MAPKBP1: variants seen among roughly 807,000 people sequenced by gnomAD.
MAPKBP1 encodes the protein mitogen-activated protein kinase binding protein 1.
Under a neutral mutation model 170.5 loss-of-function variants are expected in MAPKBP1, and 71 were observed. The observed-to-expected ratio is 0.42, with a 90% CI of 0.34 to 0.51. The LOEUF (loss-of-function observed/expected upper bound fraction) is 0.51, where lower values mean the gene tolerates loss of function less well. Ranked by LOEUF, MAPKBP1 falls within the 20% of genes least tolerant of loss-of-function variation. The pLI, the probability that MAPKBP1 is intolerant of heterozygous loss-of-function variation, is 0.06. For missense variants in MAPKBP1, 1,598 were observed against 1,933.0 expected, an observed-to-expected ratio of 0.83 and a Z score of 3.25; for synonymous variants, 719 against 757.9, an observed-to-expected ratio of 0.95 and a Z score of 0.84.
intron 2 of MAPKBP1, among the ~76,000 whole-genome samples, chr15:41,797,197 A>T (rs527580873): frequency 6.6e-6 from 1 of 152,354 alleles, no homozygotes; most frequent in Non-Finnish European, 1.5e-5. Flanking sequence ...GTTAGAAAGA[A>T]GATCAGCTGA....
chr15:41,775,602 A>G (rs1046987605), intron 2 of MAPKBP1, among the ~76,000 whole-genome samples: 13 of 152,258 alleles, frequency 8.5e-5, no homozygotes, highest in Non-Finnish European at 1.3e-4. Context: ...AGAAAAGGTG[A>G]ATAGTAGGAA....
intron 2 of MAPKBP1, among the ~76,000 whole-genome samples, chr15:41,793,440 T>C (rs2064431105): frequency 6.6e-5 from 10 of 152,160 alleles, no homozygotes; most frequent in Admixed American, 6.5e-4. Flanking sequence ...GCCACTGCAC[T>C]CCAGTCTGGG....
In MAPKBP1 at chr15:41,799,853, G is replaced by C; in HGVS notation, c.145G>C (p.Val49Leu). The change falls in exon 3 of 31, where the codon GTG becomes CTG. Residue 49 changes from valine (V) to leucine (L), a missense_variant. Physicochemically the swap from Val to Leu is conservative, Grantham distance 32. Around this residue, in one of 6 missense-constraint regions of MAPKBP1, gnomAD observed 151 missense variants for 191.4 expected, o/e 0.79. Coordinates refer to ENST00000457542, the MANE Select transcript of MAPKBP1 (RefSeq NM_014994.3). ...CTTGGAGAAGGTGCTGGGAATTACA[G>C]TGTCTGGAGGCAGAGGACTTGCCTG... is the stretch of plus-strand genomic sequence containing the variant. ...VTLEKVLGIT[V>L]SGGRGLACDP... The C allele has an allele frequency of 6.2e-7, 1 of 1,614,156 alleles. No individual in the cohort carries two copies.
At chr15:41,789,515 C>T (rs1024887945) in intron 2 of MAPKBP1, among the ~76,000 whole-genome samples, 16 of 152,274 alleles carry the variant, frequency 1.1e-4, no homozygotes, top group South Asian at 8.3e-4. Flanking sequence ...TCTAGTCTGA[C>T]GCCTTCCTTA....
chr15:41,827,705 T>G lies in MAPKBP1; in HGVS notation c.*2269T>G. On this transcript the variant is annotated 3_prime_UTR_variant, in exon 31 of 31. Transcript: ENST00000457542. ...CCACTCCAGATTTGCCCCCGCCTTG[T>G]TTTGAAAGCCCCTTATTTATAACTT... 6.4e-6 allele frequency: 1 copy of G among 156,368 alleles called. No homozygotes were observed. 9.7% of individuals were successfully genotyped at this position (156,368 alleles called of 1,614,324 possible).
Position 41,820,942 on chromosome 15 carries a change from G to A in MAPKBP1, c.2592G>A (p.Leu864=). The A allele has an allele frequency of 6.2e-7, 1 of 1,614,184 alleles. No individual in the cohort carries two copies. The highest frequency in any genetic ancestry group is 1.1e-5 in the South Asian group (1 of 91,080). The part of the protein sequence containing the change: ...PGVELSVRSM[L]DLRQLETLAP... Reference sequence around the variant, plus strand: ...TGGAACTGAGCGTTAGATCCATGCTGGATCTGCGGCAGCTGGAAACACTGG... The same window carrying A: ...TGGAACTGAGCGTTAGATCCATGCTAGATCTGCGGCAGCTGGAAACACTGG... Residue 864 remains leucine, a synonymous_variant, in exon 23 of 31, where the codon CTG becomes CTA. Transcript: ENST00000457542.
intron 2 of MAPKBP1, among the ~76,000 whole-genome samples, chr15:41,797,779 G>C (rs1246992543): frequency 6.6e-6 from 1 of 152,170 alleles, no homozygotes; most frequent in Non-Finnish European, 1.5e-5. Context: ...CTACCAGTGA[G>C]CAGACACATG....
At chr15:41,782,018 G>A (rs1047105659) in intron 2 of MAPKBP1, among the ~76,000 whole-genome samples, 3 of 151,512 alleles carry the variant, frequency 2.0e-5, no homozygotes, top group African/African-American at 7.3e-5. Flanking sequence ...GGAGGCCGAG[G>A]CGGGCGGATC....
intron 2 of MAPKBP1, among the ~76,000 whole-genome samples, chr15:41,787,641 C>T (rs984484842): frequency 6.6e-6 from 1 of 152,214 alleles, no homozygotes; most frequent in African/African-American, 2.4e-5. Context: ...GCTGGGATTA[C>T]AGGCATGAAC....
chr15:41,777,786 T>C (rs1247459203), intron 2 of MAPKBP1, among the ~76,000 whole-genome samples: 1 of 152,248 alleles, frequency 6.6e-6, no homozygotes, highest in Admixed American at 6.5e-5. Flanking sequence ...TGAGTAATCA[T>C]GATAACAGGA....
At chr15:41,786,123 A>G (rs1268476918) in intron 2 of MAPKBP1, among the ~76,000 whole-genome samples, 2 of 152,198 alleles carry the variant, frequency 1.3e-5, no homozygotes, top group South Asian at 2.1e-4. Context: ...AGCAAATTGT[A>G]TAATACTTTT....
At chr15:41,799,644 T>C (rs1252543192) in intron 2 of MAPKBP1, among the ~76,000 whole-genome samples, 179 bp from the exon 3 acceptor site, 1 of 152,136 alleles carries the variant, frequency 6.6e-6, no homozygotes, top group African/African-American at 2.4e-5. Flanking sequence ...GTTTTTCCCG[T>C]GTGATCAAGA....
intron 30 of MAPKBP1, 54 bp downstream of exon 30, chr15:41,824,623 G>A: frequency 6.7e-7 from 1 of 1,486,002 alleles, no homozygotes; most frequent in Non-Finnish European, 9.1e-7. Context: ...AGTGCTGGGT[G>A]TTTCGGATAA....
intron 13 of MAPKBP1, 110 bp from the exon 14 acceptor site, chr15:41,816,800 G>A: frequency 1.3e-6 from 2 of 1,510,774 alleles, no homozygotes; most frequent in Middle Eastern, 1.8e-4. Flanking sequence ...CTTGCTCCAT[G>A]GTTCACATGG....
chr15:41,788,627 C>T (rs1479512115), intron 2 of MAPKBP1, among the ~76,000 whole-genome samples: 3 of 152,140 alleles, frequency 2.0e-5, no homozygotes, highest in African/African-American at 4.8e-5. Context: ...TTAGAAGAAG[C>T]ATATGAGCTA....
intron 12 of MAPKBP1, 108 bp downstream of exon 12, chr15:41,815,907 AT>A: frequency 1.8e-6 from 2 of 1,120,240 alleles, no homozygotes; most frequent in Non-Finnish European, 2.5e-6. Flanking sequence ...CAAGATACTT[AT>A]TTACAAGGCA....
At position 41,814,637 on chromosome 15, in the gene MAPKBP1, G is replaced by T. The variant is rs1596089661; in HGVS notation, c.1068G>T (p.Val356=). 1 of 1,614,188 alleles carries T rather than the reference G, an allele frequency of 6.2e-7. No individual in the cohort carries two copies. The highest frequency in any genetic ancestry group is 8.5e-7 in the Non-Finnish European group (1 of 1,180,038). ...CTACTAATCAGTGGCTGTCTTGTGT[G>T]TACAACGATCATAGCATTTATGTTT... ...FDPTNQWLSC[V]YNDHSIYVWD... Residue 356 remains valine (V), a synonymous_variant, in exon 10 of 31, where the codon GTG becomes GTT. Transcript: ENST00000457542.
rs760862307 is a variant in MAPKBP1, at chr15:41,824,489, G to A, written c.4219G>A (p.Ala1407Thr). The A allele has an allele frequency of 5.0e-5, 79 of 1,595,412 alleles. No individual in the cohort carries two copies. In the Admixed American group the frequency reaches 1.2e-3, roughly 24 times the overall value. ...GCTGTATCCGTCTCTTTCAGAGCCA[G>A]CGGTGAGCCTGGAGCAGTGTGAGCA... ...GAALSQDSEP[A>T]VSLEQCEQLV... Residue 1407 changes from alanine (A) to threonine (T), a missense_variant, in exon 30 of 31, where the codon GCG becomes ACG. Ala to Thr is a moderately conservative substitution (Grantham distance 58, BLOSUM62 0). Coordinates refer to ENST00000457542, the MANE Select transcript of MAPKBP1 (RefSeq NM_014994.3).
intron 2 of MAPKBP1, among the ~76,000 whole-genome samples, chr15:41,787,468 A>G (rs2064318882): frequency 6.6e-6 from 1 of 151,974 alleles, no homozygotes; most frequent in Non-Finnish European, 1.5e-5. Context: ...CCCAAGTTCA[A>G]GCAATTCTCC....
Sources: gnomAD v4.1 joint callset for allele counts (sites outside exome capture counted in the v4.1 genomes callset) on GRCh38, gnomAD v4.1.1 for gene constraint, gnomAD v4.1.1 regional missense constraint, MANE v1.5 for transcripts, NCBI Gene and HGNC (gene_info 2026-07-23, HGNC 2026-07-21) for gene names.